PGM1: variants seen among roughly 807,000 people sequenced by gnomAD.
The protein encoded by PGM1 is phosphoglucomutase-1.
PGM1 carries 52 observed loss-of-function variants against 55.6 expected under a neutral mutation model. The observed-to-expected ratio is 0.94, with a 90% CI of 0.75 to 1.18. PGM1 has a LOEUF of 1.18. PGM1 is among the 50% of genes most tolerant of loss of function. The pLI is 0.00. For missense variants in PGM1, 724 were observed against 729.3 expected (o/e 0.99, Z 0.08); for synonymous variants, 287 against 271.7 (o/e 1.06, Z -0.55).
At chr1:63,626,535 A>T (rs1410188518) in intron 1 of PGM1, among the ~76,000 whole-genome samples, 1 of 152,148 alleles carries the variant, frequency 6.6e-6, no homozygotes, top group African/African-American at 2.4e-5. Flanking sequence ...TCCGGGCTGT[A>T]GAATGTGTCA....
chr1:63,648,025 T>C (rs1446578306), intron 7 of PGM1, among the ~76,000 whole-genome samples: 1 of 152,262 alleles, frequency 6.6e-6, no homozygotes, highest in Non-Finnish European at 1.5e-5. Flanking sequence ...TCCTCCTGTA[T>C]ACCCAAGTCC....
intron 8 of PGM1, 29 bp from the exon 9 acceptor site, chr1:63,651,640 G>A (rs372791463): frequency 4.8e-5 from 78 of 1,608,792 alleles, no homozygotes; most frequent in East Asian, 1.8e-4. Flanking sequence ...CAGTCAGCCC[G>A]TGGGCCTCAA....
At chr1:63,613,259 C>CT (rs11377805) in intron 1 of PGM1, among the ~76,000 whole-genome samples, 69,983 of 107,566 alleles carry the variant, frequency 0.65, 24,086 homozygotes, top group Middle Eastern at 0.82. Flanking sequence ...GTTGGCTTAT[C>CT]TTTTTTTTTT....
In PGM1 at chr1:63,659,652, A is replaced by G. The variant is rs1650065626; in HGVS notation, c.1666A>G (p.Thr556Ala). The G allele has an allele frequency of 1.2e-6, 2 of 1,613,828 alleles. No homozygotes were observed. Among genetic ancestry groups the G allele is most frequent in the Non-Finnish European group, 1.7e-6 (2 of 1,179,766 alleles). The change falls in exon 11 of 11, where the codon ACT becomes GCT. Residue 556 changes from threonine (T) to alanine (A), a missense_variant. Around this residue, in one of 3 missense-constraint regions of PGM1, gnomAD observed 316 missense variants for 313.1 expected, o/e 1.01. Coordinates refer to ENST00000371084, the MANE Select transcript of PGM1 (RefSeq NM_002633.3). The stretch of plus-strand genomic sequence containing the variant: ...CCAGCTGCAGGAGAGGACGGGACGC[A>G]CTGCACCCACTGTCATCACCTAAGA... ...VSQLQERTGRTAPTVIT is the reference protein window; with the variant it reads ...VSQLQERTGRAAPTVIT
chr1:63,647,381 A>G (rs1247024150), intron 7 of PGM1, among the ~76,000 whole-genome samples: 3 of 143,968 alleles, frequency 2.1e-5, no homozygotes, highest in Admixed American at 1.4e-4. Flanking sequence ...AAGTTTGTCA[A>G]TGGGCTTTTA....
intron 1 of PGM1, among the ~76,000 whole-genome samples, chr1:63,610,855 C>A (rs1648545336): frequency 6.6e-6 from 1 of 152,178 alleles, no homozygotes; most frequent in South Asian, 2.1e-4. Context: ...CTCAAAAGAA[C>A]ACAGCAGCCA....
chr1:63,636,430 C>T, intron 6 of PGM1, 42 bp downstream of exon 6: 4 of 1,600,770 alleles, frequency 2.5e-6, no homozygotes, highest in South Asian at 1.1e-5. Flanking sequence ...CTTAGGTCGT[C>T]CCAGTCTTCA....
intron 4 of PGM1, among the ~76,000 whole-genome samples, chr1:63,632,471 A>C (rs1410619923): frequency 6.6e-6 from 1 of 152,218 alleles, no homozygotes; most frequent in Non-Finnish European, 1.5e-5. Flanking sequence ...CAAACCACAG[A>C]AAGTCTTCTG....
intron 7 of PGM1, among the ~76,000 whole-genome samples, chr1:63,641,036 G>A (rs1262343068): frequency 6.6e-6 from 1 of 152,162 alleles, no homozygotes; most frequent in Non-Finnish European, 1.5e-5. Flanking sequence ...ATAAGGTTGT[G>A]GGTAATTAAA....
chr1:63,654,201 C>T, intron 9 of PGM1, 131 bp from the exon 10 acceptor site: 1 of 910,910 alleles, frequency 1.1e-6, no homozygotes, highest in Non-Finnish European at 1.8e-6. Flanking sequence ...CAGCTGCTGC[C>T]ATTTATCAAG....
At chr1:63,611,988 ACGCC>A (rs1648579381) in intron 1 of PGM1, among the ~76,000 whole-genome samples, 2 of 152,084 alleles carry the variant, frequency 1.3e-5, no homozygotes, top group African/African-American at 4.8e-5. Context: ...GTGGTGGCTC[ACGCC>A]TGGCCTGTAA....
At chr1:63,642,316 G>T (rs930055101) in intron 7 of PGM1, among the ~76,000 whole-genome samples, 1 of 152,170 alleles carries the variant, frequency 6.6e-6, no homozygotes, top group Non-Finnish European at 1.5e-5. Context: ...AGGAGCAGCA[G>T]CTTTCTCACC....
intron 1 of PGM1, among the ~76,000 whole-genome samples, chr1:63,595,246 A>G (rs1283525713): frequency 1.3e-5 from 2 of 152,220 alleles, no homozygotes; most frequent in East Asian, 1.9e-4. Flanking sequence ...CTGCAGCCCT[A>G]TAAGGTAGAT....
intron 1 of PGM1, among the ~76,000 whole-genome samples, chr1:63,601,852 C>T (rs1035341253): frequency 6.6e-6 from 1 of 152,160 alleles, no homozygotes; most frequent in Non-Finnish European, 1.5e-5. Flanking sequence ...TGAGCTGATT[C>T]CCCAAGGCAT....
chr1:63,636,266 CT>C lies in PGM1; in HGVS notation c.909del (p.Phe303LeufsTer2). On this transcript the variant is annotated frameshift_variant, in exon 6 of 11. Transcript: ENST00000371084. LOFTEE classifies it high-confidence loss of function. ...ACATGATTCTGGGCAAGCATGGGTT[CT>C]TTGTGAACCCTTCAGACTCTGTGGC... ...RNMILGKHGF[F>X]VNPSDSVAVI... The C allele has an allele frequency of 6.2e-7, 1 of 1,614,142 alleles. No individual in the cohort carries two copies. Among genetic ancestry groups the C allele is most frequent in the East Asian group, 2.2e-5 (1 of 44,882 alleles).
intron 6 of PGM1, 52 bp downstream of exon 6, chr1:63,636,440 A>G (rs768340857): frequency 1.7e-5 from 27 of 1,565,128 alleles, no homozygotes; most frequent in Non-Finnish European, 2.4e-5. Flanking sequence ...CCCAGTCTTC[A>G]CCATACCCTT....
intron 7 of PGM1, among the ~76,000 whole-genome samples, chr1:63,641,958 C>T (rs855327): frequency 0.078 from 11,815 of 152,166 alleles, 652 homozygotes; most frequent in African/African-American, 0.16. Flanking sequence ...ATGTAAATTC[C>T]TGTATGATGC....
At chr1:63,612,741 G>A (rs1208642168) in intron 1 of PGM1, among the ~76,000 whole-genome samples, 1 of 152,128 alleles carries the variant, frequency 6.6e-6, no homozygotes, top group Non-Finnish European at 1.5e-5. Flanking sequence ...AGTTCTGTTC[G>A]TAATTGTTGC....
chr1:63,600,697 AGCCATGCAGATATCC>A (rs965125420), intron 1 of PGM1, among the ~76,000 whole-genome samples: 2 of 152,240 alleles, frequency 1.3e-5, no homozygotes, highest in Non-Finnish European at 2.9e-5. Flanking sequence ...TGAAGGAGTG[AGCCATGCAGATATCC>A]GTGAAAAGAC....
Sources: gnomAD v4.1 joint callset for allele counts (sites outside exome capture counted in the v4.1 genomes callset) on GRCh38, gnomAD v4.1.1 for gene constraint, gnomAD v4.1.1 regional missense constraint, MANE v1.5 for transcripts, NCBI Gene and HGNC (gene_info 2026-07-23, HGNC 2026-07-21) for gene names.